Variants in GPCPD1 observed in about 807,000 individuals in gnomAD.
The protein encoded by GPCPD1 is glycerophosphocholine phosphodiesterase GPCPD1.
GPCPD1 carries 29 observed loss-of-function variants against 89.2 expected under a neutral mutation model. The observed-to-expected ratio is 0.33, with a 90% CI of 0.24 to 0.44. The LOEUF (loss-of-function observed/expected upper bound fraction) is 0.44, where lower values mean the gene tolerates loss of function less well. Ranked by LOEUF, GPCPD1 falls within the 20% of genes least tolerant of loss-of-function variation. The pLI is 1.00. For synonymous variants in GPCPD1, 258 were observed against 266.3 expected (o/e 0.97, Z 0.30); for missense variants, 594 against 808.9 (o/e 0.73, Z 3.22).
Position 5,601,549 on chromosome 20 carries a change from AG to A in GPCPD1, c.50-2729del, listed in dbSNP as rs1221690385. Among the ~76,000 whole-genome samples the A allele has an allele frequency of 2.6e-5, 4 of 151,766 alleles. No individual in the cohort carries two copies. The East Asian group carries it at 7.7e-4, about 29-fold the overall frequency. ...ATGCCCGGCTAATTTTTGTATTTTT[AG>A]TAGAGACGGAGTTTCACCTTGTTGG... is the stretch of plus-strand genomic sequence containing the variant. On this transcript the variant is annotated intron_variant, in intron 2 of 19. Coordinates refer to ENST00000379019, the MANE Select transcript of GPCPD1 (RefSeq NM_019593.5).
At chr20:5,574,789 G>C (rs1978285653) in intron 10 of GPCPD1, among the ~76,000 whole-genome samples, 1 of 152,108 alleles carries the variant, frequency 6.6e-6, no homozygotes, top group Admixed American at 6.6e-5. Flanking sequence ...TCCTTAAATA[G>C]TTATTTTTTT....
chr20:5,598,494 T>TAAAAAAAAAA (rs35672719), intron 3 of GPCPD1, among the ~76,000 whole-genome samples: 1 of 138,972 alleles, frequency 7.2e-6, no homozygotes. Flanking sequence ...AAAATACATC[T>TAAAAAAAAAA]AAAAAAAAAA....
intron 4 of GPCPD1, among the ~76,000 whole-genome samples, chr20:5,591,580 C>T (rs1425383896): frequency 6.6e-6 from 1 of 152,166 alleles, no homozygotes; most frequent in African/African-American, 2.4e-5. Context: ...TCCTATCATT[C>T]TTTATATTCG....
At chr20:5,593,886 C>T (rs1267991091) in intron 3 of GPCPD1, among the ~76,000 whole-genome samples, 2 of 152,138 alleles carry the variant, frequency 1.3e-5, no homozygotes, top group Non-Finnish European at 2.9e-5. Flanking sequence ...GACTTTGGGT[C>T]GCAGCTTTTG....
rs541491176 is a variant in GPCPD1 at position 5,559,593 on chromosome 20, T to A, written c.1532+347A>T. On this transcript the variant is annotated intron_variant, in intron 17 of 19. Transcript: ENST00000379019. ...ATCCTGTCTCAAAAACAATTTTTTT[T>A]AATAAAAGATAAATACAAATTTAAA... Among the ~76,000 whole-genome samples the A allele has an allele frequency of 4.8e-3, 726 of 151,804 alleles. 4 individuals are homozygous for A. The highest frequency in any genetic ancestry group is 7.3e-3 in the Non-Finnish European group (496 of 67,920).
intron 9 of GPCPD1, 116 bp downstream of exon 9, chr20:5,575,700 A>T (rs1978287163): frequency 1.1e-6 from 1 of 887,690 alleles, no homozygotes; most frequent in Non-Finnish European, 1.8e-6. Flanking sequence ...CATGCTCCTT[A>T]AATTGATACT....
At position 5,580,069 on chromosome 20, in the gene GPCPD1, G is replaced by T; in HGVS notation, c.412C>A (p.His138Asn). Residue 138 changes from histidine to asparagine, a missense_variant, in exon 7 of 20, where the codon CAT (histidine) becomes AAT (asparagine). By Grantham distance (68) the His-to-Asn change is moderately conservative. Coordinates refer to ENST00000379019, the MANE Select transcript of GPCPD1 (RefSeq NM_019593.5). ...GACACAGGAGGTTTTTCAGAATAAT[G>T]CAAACGTAATCTTATTTCAGTCTGA... ...TCQTEIRLRL[H>N]YSEKPPVSIT... The T allele has an allele frequency of 1.3e-6, 2 of 1,495,474 alleles. No homozygotes were observed. Among genetic ancestry groups the T allele is most frequent in the Non-Finnish European group, 1.9e-6 (2 of 1,072,728 alleles). 92.6% of individuals were successfully genotyped at this position (1,495,474 alleles called of 1,614,324 possible).
At chr20:5,574,159 T>C in intron 10 of GPCPD1, 190 bp from the exon 11 acceptor site, 1 of 583,494 alleles carries the variant, frequency 1.7e-6, no homozygotes, top group South Asian at 2.1e-5. Context: ...GCTCTGACAA[T>C]GATAGATATT....
intron 15 of GPCPD1, among the ~76,000 whole-genome samples, chr20:5,563,061 C>T (rs1339752260): frequency 6.6e-6 from 1 of 151,698 alleles, no homozygotes; most frequent in Non-Finnish European, 1.5e-5. Flanking sequence ...CGGCTCACTG[C>T]AAGCTCCGCC....
Position 5,573,910 on chromosome 20 carries a change from C to G in GPCPD1, c.1056+5G>C. On this transcript the variant is annotated splice_donor_5th_base_variant and intron_variant, in intron 11 of 19. Coordinates refer to ENST00000379019, the MANE Select transcript of GPCPD1 (RefSeq NM_019593.5). ...GCAGTCTAAAGTTGTTTAAAGGTTACTTACATGACTAGCAGCATTTCTTAA... is the reference window on the plus strand; with the variant it reads ...GCAGTCTAAAGTTGTTTAAAGGTTAGTTACATGACTAGCAGCATTTCTTAA... 1 of 1,454,192 alleles carries G rather than the reference C, an allele frequency of 6.9e-7. No homozygotes were observed. The highest frequency in any genetic ancestry group is 9.7e-7 in the Non-Finnish European group (1 of 1,034,236). 90.1% of individuals were successfully genotyped at this position (1,454,192 alleles called of 1,614,324 possible). A position where few individuals can be genotyped will look rare whatever the true frequency, so the allele number is the denominator to read the frequency against.
In GPCPD1 at chr20:5,580,007, C is replaced by T; in HGVS notation, c.473+1G>A. The T allele has an allele frequency of 2.0e-6, 3 of 1,533,196 alleles. No homozygotes were observed. Among genetic ancestry groups the T allele is most frequent in the Non-Finnish European group, 2.7e-6 (3 of 1,112,246 alleles). The allele number at this position is 1,533,196 out of a possible 1,614,324, so 95.0% of individuals were successfully genotyped here. ...TAAGTAACACATAAACATGGTCATACCTAAATCTAGATTTTTTTAATTTTT... is the reference window on the plus strand; with the variant it reads ...TAAGTAACACATAAACATGGTCATATCTAAATCTAGATTTTTTTAATTTTT... On this transcript the variant is annotated splice_donor_variant, in intron 7 of 19. Transcript: ENST00000379019. LOFTEE classifies it high-confidence loss of function.
chr20:5,561,410 A>G, intron 16 of GPCPD1, 55 bp downstream of exon 16: 1 of 946,486 alleles, frequency 1.1e-6, no homozygotes, highest in Non-Finnish European at 1.6e-6. Context: ...GGAATGAAAG[A>G]ATTTTTTAGA....
chr20:5,561,603 A>G, intron 15 of GPCPD1, 73 bp from the exon 16 acceptor site: 1 of 668,864 alleles, frequency 1.5e-6, no homozygotes, highest in Non-Finnish European at 2.6e-6. Flanking sequence ...AAAAAAATAC[A>G]ATTATTACTA....
chr20:5,551,780 G>A (rs1408827812), intron 19 of GPCPD1, among the ~76,000 whole-genome samples: 1 of 151,922 alleles, frequency 6.6e-6, no homozygotes, highest in African/African-American at 2.4e-5. Context: ...AAAATAAAAA[G>A]AACGGCCTCT....
In GPCPD1 at chr20:5,560,091, A is replaced by G. The variant is rs1335146002; in HGVS notation, c.1396-15T>C. 6.0e-6 allele frequency: 9 copies of G among 1,510,372 alleles called. No individual in the cohort carries two copies. The highest frequency in any genetic ancestry group is 8.0e-6 in the Non-Finnish European group (9 of 1,131,542). The allele number at this position is 1,510,372 out of a possible 1,614,324, so 93.6% of individuals were successfully genotyped here. On this transcript the variant is annotated splice_polypyrimidine_tract_variant and intron_variant, in intron 16 of 19. Coordinates refer to ENST00000379019, the MANE Select transcript of GPCPD1 (RefSeq NM_019593.5). The stretch of plus-strand genomic sequence containing the variant: ...CACATTCCATCCTAGTGAAAGAGAA[A>G]GCAAAATAAAAGTCACTGCACATCC...
At chr20:5,579,372 T>C (rs1978320762) in intron 7 of GPCPD1, among the ~76,000 whole-genome samples, 1 of 152,172 alleles carries the variant, frequency 6.6e-6, no homozygotes, top group Admixed American at 6.5e-5. Context: ...TTTTCTTTTT[T>C]TGAGACAGAG....
At chr20:5,552,969 C>T (rs765232459) in intron 19 of GPCPD1, among the ~76,000 whole-genome samples, 11 of 152,124 alleles carry the variant, frequency 7.2e-5, no homozygotes, top group Non-Finnish European at 1.5e-4. Flanking sequence ...TACTGCACTT[C>T]GTCTTTTTTT....
chr20:5,602,337 C>T (rs1980219736), intron 2 of GPCPD1, among the ~76,000 whole-genome samples: 1 of 152,240 alleles, frequency 6.6e-6, no homozygotes, highest in Non-Finnish European at 1.5e-5. Context: ...CTAGCTTCAA[C>T]TGCCTGCCTA....
intron 14 of GPCPD1, among the ~76,000 whole-genome samples, chr20:5,565,325 C>G (rs1986337268): frequency 6.6e-6 from 1 of 151,796 alleles, no homozygotes; most frequent in Non-Finnish European, 1.5e-5. Context: ...CTCAAGCAGG[C>G]TCAAGCATTG....
Sources: gnomAD v4.1 joint callset for allele counts (sites outside exome capture counted in the v4.1 genomes callset) on GRCh38, gnomAD v4.1.1 for gene constraint, MANE v1.5 for transcripts, NCBI Gene and HGNC (gene_info 2026-07-23, HGNC 2026-07-21) for gene names.